Variants in SAMD8 observed in about 807,000 individuals in gnomAD.
SAMD8 encodes sphingomyelin synthase-related protein 1.
SAMD8 carries 20 observed loss-of-function variants against 42.0 expected under a neutral mutation model. The observed-to-expected ratio is 0.48, with a 90% confidence interval of 0.34 to 0.69. SAMD8 has a LOEUF of 0.69. Ranked by LOEUF, SAMD8 falls within the 30% of genes least tolerant of loss-of-function variation. The probability of loss-of-function intolerance (pLI) is 0.01; values close to 1 mark genes in which losing one functional copy is unlikely to be tolerated. For synonymous variants in SAMD8, 162 were observed against 173.0 expected, an observed-to-expected ratio of 0.94 and a Z score of 0.50; for missense variants, 328 against 511.6, an observed-to-expected ratio of 0.64 and a Z score of 3.46.
At chr10:75,140,792 C>T (rs142482889) in intron 1 of SAMD8, among the ~76,000 whole-genome samples, 274 of 152,162 alleles carry the variant, frequency 1.8e-3, no homozygotes, top group African/African-American at 6.0e-3. Context: ...ATTAAAGGCC[C>T]GTTGGGATTT....
At chr10:75,108,165 G>T, upstream of SAMD8, 1 of 1,612,346 alleles carries the variant, frequency 6.2e-7, no homozygotes, top group Non-Finnish European at 8.5e-7. Context: ...CAGCACGTGG[G>T]TGATGCCCAG....
intron 1 of SAMD8, among the ~76,000 whole-genome samples, chr10:75,104,879 T>C (rs1253016999): frequency 2.0e-5 from 3 of 151,968 alleles, no homozygotes; most frequent in Non-Finnish European, 2.9e-5. Context: ...AGACAGGAAC[T>C]GCTCTTAGGG....
chr10:75,111,978 G>A (rs1357920412), intron 1 of SAMD8, among the ~76,000 whole-genome samples: 2 of 152,202 alleles, frequency 1.3e-5, no homozygotes, highest in African/African-American at 4.8e-5. Context: ...AGAGGGGGAG[G>A]CTTGAAGAGC....
exon 1 of SAMD8, chr10:75,099,638 C>T: frequency 1.1e-6 from 1 of 912,796 alleles, no homozygotes; most frequent in Non-Finnish European, 1.4e-6. Context: ...TCCCTCTAAA[C>T]CCCCAGGCCT....
chr10:75,109,104 G>A (rs144572839), upstream of SAMD8: 106 of 1,611,868 alleles, frequency 6.6e-5, 1 homozygote, highest in Non-Finnish European at 1.6e-5. Context: ...GGATGCTGGG[G>A]CAAGGCGTGG....
chr10:75,176,486 G>A lies in SAMD8; in HGVS notation c.1042G>A (p.Asp348Asn). The A allele has an allele frequency of 1.3e-6, 2 of 1,550,954 alleles. No individual in the cohort carries two copies. The highest frequency in any genetic ancestry group is 1.7e-6 in the Non-Finnish European group (2 of 1,147,060). ...GGCTGCCCATGAACATTATTCTATT[G>A]ATGTGTTTATTGCTTTTTATATAAC... ...ILAAHEHYSI[D>N]VFIAFYITTR... Residue 348 changes from aspartate (D) to asparagine (N), a missense_variant, in exon 6 of 6, where the codon GAT (aspartate) becomes AAT (asparagine). Physicochemically the swap from Asp to Asn is conservative, Grantham distance 23. Coordinates refer to ENST00000542569, the MANE Select transcript of SAMD8 (RefSeq NM_001174156.2). The surrounding 1 kb of genome is among the most constrained non-coding windows in gnomAD (Gnocchi z 4.3).
chr10:75,126,753 G>A (rs1564678169), intron 1 of SAMD8, among the ~76,000 whole-genome samples: 2 of 151,176 alleles, frequency 1.3e-5, no homozygotes, highest in Admixed American at 1.3e-4. Flanking sequence ...CTCTGGCCTT[G>A]GCTTCCCAAA....
chr10:75,106,345 T>C (rs1848507546), intron 1 of SAMD8, among the ~76,000 whole-genome samples: 1 of 152,030 alleles, frequency 6.6e-6, no homozygotes, highest in African/African-American at 2.4e-5. Flanking sequence ...TGCAGTTCCT[T>C]GAGGCTGCCA....
intron 1 of SAMD8, among the ~76,000 whole-genome samples, chr10:75,101,577 T>G (rs184621115): frequency 3.9e-5 from 6 of 152,220 alleles, no homozygotes; most frequent in African/African-American, 1.2e-4. Context: ...AGTGCCTTTA[T>G]GGAGCAGGTA....
chr10:75,134,639 A>C (rs181101044), intron 1 of SAMD8, among the ~76,000 whole-genome samples: 220 of 150,648 alleles, frequency 1.5e-3, no homozygotes, highest in East Asian at 6.6e-3. Context: ...TCCCCCCCCC[A>C]AAAAAAAGAT....
chr10:75,171,393 T>G (rs2132213888), intron 4 of SAMD8, among the ~76,000 whole-genome samples: 1 of 151,682 alleles, frequency 6.6e-6, no homozygotes, highest in Admixed American at 6.6e-5. Flanking sequence ...GGTCTCGATC[T>G]CCTGACCTCA....
intron 1 of SAMD8, among the ~76,000 whole-genome samples, chr10:75,145,564 T>C (rs1286271010): frequency 6.6e-6 from 1 of 152,224 alleles, no homozygotes; most frequent in Admixed American, 6.5e-5. Context: ...TTTTGAGTCT[T>C]CCTTTTAAGA....
intron 3 of SAMD8, among the ~76,000 whole-genome samples, chr10:75,167,720 G>A (rs1840722694): frequency 6.6e-6 from 1 of 152,106 alleles, no homozygotes; most frequent in Non-Finnish European, 1.5e-5. Flanking sequence ...AGCCTCTCAA[G>A]TAGCTGGGAT....
upstream of SAMD8, among the ~76,000 whole-genome samples, chr10:75,111,292 A>C (rs1372834560): frequency 6.6e-6 from 1 of 152,170 alleles, no homozygotes; most frequent in Non-Finnish European, 1.5e-5. Context: ...CTGATCCCAC[A>C]GGCCCCGCCC....
intron 1 of SAMD8, chr10:75,125,924 G>A (rs1849121114): frequency 6.6e-6 from 1 of 152,164 alleles, no homozygotes; most frequent in Non-Finnish European, 1.5e-5. Context: ...AAAAGATAAA[G>A]TGGAGATTAT....
chr10:75,150,971 A>C lies in SAMD8; in HGVS notation c.443A>C (p.Glu148Ala). Residue 148 changes from glutamate (E) to alanine (A), a missense_variant, in exon 2 of 6, where the codon GAA becomes GCA. Coordinates refer to ENST00000542569, the MANE Select transcript of SAMD8 (RefSeq NM_001174156.2). Reference protein sequence around the residue: ...NKHSVRRLDPEYWKTILSCIY... With the variant: ...NKHSVRRLDPAYWKTILSCIY... ...CATTCTGTTCGAAGATTGGACCCAG[A>C]ATACTGGAAGACTATACTGAGTTGT... The C allele has an allele frequency of 6.2e-7, 1 of 1,613,244 alleles. No individual in the cohort carries two copies. The highest frequency in any genetic ancestry group is 2.2e-5 in the East Asian group (1 of 44,886).
intron 1 of SAMD8, among the ~76,000 whole-genome samples, chr10:75,123,559 GC>G (rs1849056682): frequency 6.6e-6 from 1 of 152,214 alleles, no homozygotes; most frequent in African/African-American, 2.4e-5. Flanking sequence ...TCTCCATTTG[GC>G]CTTTCCTGGT....
chr10:75,139,203 A>G (rs573383252), intron 1 of SAMD8, among the ~76,000 whole-genome samples: 2 of 152,006 alleles, frequency 1.3e-5, no homozygotes, highest in East Asian at 3.9e-4. Flanking sequence ...TCCTGACCTC[A>G]AGTGATCTGC....
intron 2 of SAMD8, among the ~76,000 whole-genome samples, chr10:75,158,052 G>C (rs201835996): frequency 2.0e-5 from 3 of 151,804 alleles, no homozygotes; most frequent in African/African-American, 4.8e-5. Flanking sequence ...CCAGCTACTC[G>C]GGAGGCTGAG....
Sources: gnomAD v4.1 joint callset for allele counts (sites outside exome capture counted in the v4.1 genomes callset) on GRCh38, gnomAD v4.1.1 for gene constraint, Gnocchi (gnomAD v3.1) non-coding constraint, MANE v1.5 for transcripts, NCBI Gene and HGNC (gene_info 2026-07-23, HGNC 2026-07-21) for gene names.